Variants in PPFIA2 observed in about 807,000 individuals in gnomAD.
PPFIA2 encodes the protein PPFI scaffold protein A2, also known as liprin-alpha-2.
PPFIA2 carries 46 observed loss-of-function variants against 175.5 expected under a neutral mutation model. The observed-to-expected ratio is 0.26, with a 90% confidence interval of 0.21 to 0.34. The LOEUF (loss-of-function observed/expected upper bound fraction) is 0.34, where lower values mean the gene tolerates loss of function less well. Ranked by LOEUF, PPFIA2 falls within the 10% of genes least tolerant of loss-of-function variation. PPFIA2 has a pLI of 1.00. For synonymous variants in PPFIA2, 568 were observed against 511.4 expected (o/e 1.11, Z -1.49); for missense variants, 1,179 against 1,506.1 (o/e 0.78, Z 3.60).
At chr12:81,349,177 C>A (rs942071089) in intron 17 of PPFIA2, among the ~76,000 whole-genome samples, 8 of 152,152 alleles carry the variant, frequency 5.3e-5, no homozygotes, top group African/African-American at 1.9e-4. Context: ...AACTATTCTG[C>A]AAATCTTTCA....
In PPFIA2 at chr12:81,655,447, C is replaced by T. The variant is rs2067643516; in HGVS notation, c.303+21344G>A. On this transcript the variant is annotated intron_variant, in intron 4 of 32. Transcript: ENST00000549396. ...ATTTTTAAAAATATATTATAAATTT[C>T]TCTCTAAGTTGGGTTTTAACTGCCT... Among the ~76,000 whole-genome samples the T allele has an allele frequency of 3.3e-5, 5 of 151,068 alleles. No homozygotes were observed. The South Asian group carries it at 8.3e-4, about 25-fold the overall frequency.
Position 81,388,647 on chromosome 12 carries a change from C to T in PPFIA2, c.763-4403G>A, listed in dbSNP as rs1246373334. 2.0e-5 allele frequency among the ~76,000 whole-genome samples: 3 copies of T among 151,952 alleles called. No individual in the cohort carries two copies. In the East Asian group the frequency reaches 5.8e-4, roughly 29 times the overall value. ...GCACTTAAATTGTATGTTACTTGTACATTAATACATTTGCTTAAAAGCCTA... is the reference window on the plus strand; with the variant it reads ...GCACTTAAATTGTATGTTACTTGTATATTAATACATTTGCTTAAAAGCCTA... On this transcript the variant is annotated intron_variant, in intron 8 of 32. Transcript: ENST00000549396.
chr12:81,506,301 A>G lies in PPFIA2; in HGVS notation c.304-48435T>C, dbSNP rs1023713097. On this transcript the variant is annotated intron_variant, in intron 4 of 32. Coordinates refer to ENST00000549396, the MANE Select transcript of PPFIA2 (RefSeq NM_003625.5). ...CCTGAAAATTTTGCAAGTTTTCTTT[A>G]AAAGCCCAGGTCAAACTTATACTCT... 5.9e-5 allele frequency among the ~76,000 whole-genome samples: 9 copies of G among 152,188 alleles called. No homozygotes were observed. In the East Asian group the frequency reaches 1.5e-3, roughly 26 times the overall value.
intron 4 of PPFIA2, among the ~76,000 whole-genome samples, chr12:81,484,128 C>G (rs1039154554): frequency 1.3e-5 from 2 of 151,950 alleles, no homozygotes; most frequent in Non-Finnish European, 2.9e-5. Context: ...TATCCTGGTA[C>G]TTTCAGAGTT....
intron 4 of PPFIA2, among the ~76,000 whole-genome samples, chr12:81,651,399 T>A (rs1229060477): frequency 6.6e-6 from 1 of 151,462 alleles, no homozygotes; most frequent in African/African-American, 2.4e-5. Context: ...TTAACAAAAC[T>A]TTTTTTTTCA....
At chr12:81,387,519 G>C (rs748324579) in intron 8 of PPFIA2, among the ~76,000 whole-genome samples, 8 of 152,124 alleles carry the variant, frequency 5.3e-5, no homozygotes, top group Non-Finnish European at 8.8e-5. Flanking sequence ...AACAATGTGA[G>C]AGTGTGGAGA....
rs1181815619 is a variant in PPFIA2 at position 81,259,383 on chromosome 12, A to T, written c.*311T>A. 8.0e-6 allele frequency: 5 copies of T among 623,980 alleles called. No individual in the cohort carries two copies. In the South Asian group the frequency reaches 8.0e-5, roughly 10 times the overall value. The allele number at this position is 623,980 out of a possible 1,614,324, so 38.7% of individuals were successfully genotyped here. ...ATAAATGCCTAGTATATTACAATAA[A>T]ACATGAAAAACAACTGGCTTCATTT... On this transcript the variant is annotated 3_prime_UTR_variant, in exon 33 of 33. Coordinates refer to ENST00000549396, the MANE Select transcript of PPFIA2 (RefSeq NM_003625.5).
At chr12:81,575,347 C>A (rs1047261409) in intron 4 of PPFIA2, among the ~76,000 whole-genome samples, 1 of 151,770 alleles carries the variant, frequency 6.6e-6, no homozygotes, top group African/African-American at 2.4e-5. Flanking sequence ...GTTACAAATT[C>A]ATTACTACTG....
intron 3 of PPFIA2, among the ~76,000 whole-genome samples, chr12:81,697,348 G>C (rs1223873668): frequency 1.3e-5 from 2 of 151,848 alleles, no homozygotes; most frequent in Admixed American, 1.3e-4. Flanking sequence ...AACTTATTTA[G>C]AGACTAAAAT....
chr12:81,512,160 T>C, intron 4 of PPFIA2: 2 of 358,230 alleles, frequency 5.6e-6, no homozygotes. Flanking sequence ...TGTCAGCATG[T>C]TAGCTAACAA....
chr12:81,361,521 A>G (rs1364233037), intron 15 of PPFIA2, among the ~76,000 whole-genome samples: 1 of 151,600 alleles, frequency 6.6e-6, no homozygotes, highest in East Asian at 1.9e-4. Flanking sequence ...TCTCATATTC[A>G]ATTGAGTATG....
At chr12:81,524,561 T>G (rs1345012452) in intron 4 of PPFIA2, among the ~76,000 whole-genome samples, 1 of 152,238 alleles carries the variant, frequency 6.6e-6, no homozygotes, top group African/African-American at 2.4e-5. Context: ...ATAATTTGTT[T>G]TATTTCACTG....
intron 4 of PPFIA2, among the ~76,000 whole-genome samples, chr12:81,541,622 A>G (rs1443042856): frequency 1.3e-5 from 2 of 152,168 alleles, no homozygotes; most frequent in Admixed American, 1.3e-4. Context: ...TGCTCAACAA[A>G]TAGTTCTCTT....
chr12:81,553,740 C>T (rs571493211), intron 4 of PPFIA2, among the ~76,000 whole-genome samples: 2 of 152,154 alleles, frequency 1.3e-5, no homozygotes, highest in African/African-American at 4.8e-5. Flanking sequence ...CCAATTGGAA[C>T]TGCATTGAGA....
chr12:81,278,730 G>C (rs2041267093), intron 27 of PPFIA2, among the ~76,000 whole-genome samples: 1 of 151,986 alleles, frequency 6.6e-6, no homozygotes, highest in African/African-American at 2.4e-5. Flanking sequence ...AAATGAGAAG[G>C]TTTAGTGACA....
intron 10 of PPFIA2, 71 bp downstream of exon 10, chr12:81,375,720 CTATTT>C (rs1566537520): frequency 7.1e-7 from 1 of 1,410,632 alleles, no homozygotes; most frequent in East Asian, 2.4e-5. Context: ...AAGAAGTACC[CTATTT>C]TATTTACTCC....
chr12:81,649,183 T>A (rs577239546), intron 4 of PPFIA2, among the ~76,000 whole-genome samples: 2 of 152,222 alleles, frequency 1.3e-5, no homozygotes, highest in South Asian at 4.1e-4. Context: ...CAGATTCAGA[T>A]AAAATATTTA....
chr12:81,432,758 G>A (rs541312583), intron 7 of PPFIA2, among the ~76,000 whole-genome samples: 1 of 152,008 alleles, frequency 6.6e-6, no homozygotes, highest in Non-Finnish European at 1.5e-5. Flanking sequence ...CGCCCGGCTA[G>A]AACTAACTAT....
At chr12:81,356,301 A>G (rs1375102113) in intron 16 of PPFIA2, among the ~76,000 whole-genome samples, 1 of 152,192 alleles carries the variant, frequency 6.6e-6, no homozygotes, top group East Asian at 1.9e-4. Context: ...TGATTACAAT[A>G]GTGACATCAA....
Sources: gnomAD v4.1 joint callset for allele counts (sites outside exome capture counted in the v4.1 genomes callset) on GRCh38, gnomAD v4.1.1 for gene constraint, MANE v1.5 for transcripts, NCBI Gene and HGNC (gene_info 2026-07-23, HGNC 2026-07-21) for gene names.